VPS37A: variants seen among roughly 807,000 people sequenced by gnomAD.
VPS37A encodes the protein vacuolar protein sorting-associated protein 37A.
VPS37A carries 30 observed loss-of-function variants against 49.8 expected under a neutral mutation model. That is an observed-to-expected ratio of 0.60 (90% CI 0.45 to 0.82). The LOEUF is 0.82. Among genes scored for constraint, VPS37A ranks in the 40% least tolerant of loss-of-function variants. The pLI is 0.00. For synonymous variants in VPS37A, 195 were observed against 160.6 expected (o/e 1.21, Z -1.62); for missense variants, 593 against 464.4 (o/e 1.28, Z -2.55).
At chr8:17,316,626 C>G in the VPS37A span, among the ~76,000 whole-genome samples, 2 of 151,914 alleles carry the variant, frequency 1.3e-5, no homozygotes, top group African/African-American at 4.8e-5. Context: ...TGGAGTCAAC[C>G]AACCACAGAG....
intron 1 of VPS37A, among the ~76,000 whole-genome samples, chr8:17,254,100 A>C (rs1349309583): frequency 6.6e-6 from 1 of 151,596 alleles, no homozygotes; most frequent in African/African-American, 2.4e-5. Context: ...TTTGGTGCAC[A>C]GTTTGCGTGA....
intron 11 of VPS37A, among the ~76,000 whole-genome samples, chr8:17,291,396 G>A (rs1343049065): frequency 6.9e-6 from 1 of 144,096 alleles, no homozygotes; most frequent in Admixed American, 6.9e-5. Context: ...GGTCTATTTT[G>A]TTAATCTTTT....
the VPS37A span, among the ~76,000 whole-genome samples, chr8:17,313,618 C>G: frequency 2.6e-5 from 4 of 152,268 alleles, no homozygotes; most frequent in South Asian, 2.1e-4. Flanking sequence ...ACAGGGAATG[C>G]TGCACTTGTT....
At chr8:17,318,563 G>A in the VPS37A span, among the ~76,000 whole-genome samples, 1 of 152,154 alleles carries the variant, frequency 6.6e-6, no homozygotes, top group Non-Finnish European at 1.5e-5. Context: ...CTCTTCCTGT[G>A]GTTCCAGGAG....
intron 1 of VPS37A, 33 bp downstream of exon 1, chr8:17,247,402 AAGT>A (rs1811346648): frequency 1.5e-5 from 6 of 409,710 alleles, no homozygotes; most frequent in Non-Finnish European, 2.0e-5. Context: ...CCGGAGGAAA[AAGT>A]AGGGTGGGAG....
chr8:17,249,325 G>A (rs576708182), intron 1 of VPS37A, among the ~76,000 whole-genome samples: 2 of 152,276 alleles, frequency 1.3e-5, no homozygotes, highest in Middle Eastern at 3.4e-3. Context: ...CAGTAAATAC[G>A]CGGAGTTGGA....
chr8:17,273,457 C>G (rs888572794), intron 4 of VPS37A, among the ~76,000 whole-genome samples: 2 of 152,190 alleles, frequency 1.3e-5, no homozygotes, highest in Non-Finnish European at 2.9e-5. Flanking sequence ...AGCTCGGCCT[C>G]CCGGGTTCAT....
At chr8:17,290,730 T>C (rs1430024916) in intron 11 of VPS37A, among the ~76,000 whole-genome samples, 1 of 152,164 alleles carries the variant, frequency 6.6e-6, no homozygotes, top group African/African-American at 2.4e-5. Flanking sequence ...TTTCTGTTGT[T>C]TGGAATAGTT....
the VPS37A span, among the ~76,000 whole-genome samples, chr8:17,324,887 A>G: frequency 6.6e-6 from 1 of 152,208 alleles, no homozygotes; most frequent in Non-Finnish European, 1.5e-5. Flanking sequence ...AACTGAGACT[A>G]CAGAAAGCTG....
At chr8:17,265,194 T>G (rs1305506035) in intron 1 of VPS37A, among the ~76,000 whole-genome samples, 1 of 152,180 alleles carries the variant, frequency 6.6e-6, no homozygotes, top group African/African-American at 2.4e-5. Flanking sequence ...GTCTAGTTCC[T>G]AGATCCAAGG....
chr8:17,278,618 C>A (rs1481790156), intron 6 of VPS37A, among the ~76,000 whole-genome samples: 1 of 152,068 alleles, frequency 6.6e-6, no homozygotes, highest in African/African-American at 2.4e-5. Context: ...TCAGCCATTT[C>A]TCTGAAGGGT....
chr8:17,272,037 C>G (rs946287085), intron 4 of VPS37A: 10 of 456,746 alleles, frequency 2.2e-5, no homozygotes, highest in Admixed American at 2.1e-4. Flanking sequence ...CTGGAAATCT[C>G]CTTAGCTAGA....
Position 17,296,731 on chromosome 8 carries a change from G to C in VPS37A, c.*1745G>C, listed in dbSNP as rs1167286866. 1.3e-5 allele frequency: 2 copies of C among 151,836 alleles called. No homozygotes were observed. Among genetic ancestry groups the C allele is most frequent in the African/African-American group, 4.8e-5 (2 of 41,340 alleles). The allele number at this position is 151,836 out of a possible 1,614,324, so 9.4% of individuals were successfully genotyped here. ...TGCTTATCTACTTTCCTTTTCACCA[G>C]AAAAACAGAAAAAAAAGAAACATTT... On this transcript the variant is annotated 3_prime_UTR_variant, in exon 12 of 12. Transcript: ENST00000324849.
At chr8:17,283,198 C>G (rs1346539802) in intron 9 of VPS37A, among the ~76,000 whole-genome samples, 1 of 152,104 alleles carries the variant, frequency 6.6e-6, no homozygotes, top group Non-Finnish European at 1.5e-5. Flanking sequence ...CTCTGTCACC[C>G]AGGCTGGAGT....
the VPS37A span, among the ~76,000 whole-genome samples, chr8:17,317,236 C>T: frequency 1.3e-5 from 2 of 152,192 alleles, no homozygotes; most frequent in Admixed American, 1.3e-4. Flanking sequence ...ACACAGGATG[C>T]TGGCTGGCAG....
chr8:17,281,316 A>G (rs956662137), intron 9 of VPS37A, among the ~76,000 whole-genome samples: 6 of 152,030 alleles, frequency 3.9e-5, no homozygotes, highest in Non-Finnish European at 7.4e-5. Flanking sequence ...AAATTTCTTG[A>G]GGTCATACAA....
chr8:17,303,754 C>A (rs558815573), downstream of VPS37A, among the ~76,000 whole-genome samples: 1 of 152,028 alleles, frequency 6.6e-6, no homozygotes, highest in Admixed American at 6.6e-5. Context: ...GGATTACAGG[C>A]GCTCACCACC....
chr8:17,319,191 G>A, the VPS37A span, among the ~76,000 whole-genome samples: 1 of 152,208 alleles, frequency 6.6e-6, no homozygotes, highest in Middle Eastern at 3.2e-3. Flanking sequence ...CTCCAGCTCT[G>A]CCCATGCTCA....
At chr8:17,288,409 C>G (rs1043009215) in intron 11 of VPS37A, among the ~76,000 whole-genome samples, 4 of 152,048 alleles carry the variant, frequency 2.6e-5, no homozygotes, top group Non-Finnish European at 4.4e-5. Flanking sequence ...GTGTGATGTT[C>G]CCTCCTTGTG....
Sources: allele counts gnomAD v4.1 joint callset (sites outside exome capture counted in the v4.1 genomes callset), GRCh38; gene constraint gnomAD v4.1.1; transcripts MANE v1.5; gene names NCBI Gene and HGNC (gene_info 2026-07-23, HGNC 2026-07-21).